Variants in IMMP2L observed in about 807,000 individuals in gnomAD.
The protein encoded by IMMP2L is mitochondrial inner membrane protease subunit 2.
IMMP2L carries 18 observed loss-of-function variants against 19.3 expected under a neutral mutation model. The ratio of observed to expected loss-of-function variants is 0.93; its 90% CI spans 0.64 to 1.38. The LOEUF is 1.38. Ranked by LOEUF, IMMP2L falls within the 40% of genes most tolerant of loss-of-function variation. The probability of loss-of-function intolerance (pLI) is 0.00; values close to 1 mark genes in which losing one functional copy is unlikely to be tolerated. For missense variants in IMMP2L, 233 were observed against 218.2 expected (o/e 1.07, Z -0.43); for synonymous variants, 76 against 73.0 (o/e 1.04, Z -0.21).
intron 3 of IMMP2L, among the ~76,000 whole-genome samples, chr7:111,021,781 G>A (rs1328893509): frequency 6.6e-6 from 1 of 152,180 alleles, no homozygotes; most frequent in East Asian, 1.9e-4. Context: ...TACTCAGGAG[G>A]CTGAGGCAGG....
At chr7:111,034,702 G>A (rs1293119150) in intron 3 of IMMP2L, among the ~76,000 whole-genome samples, 1 of 152,098 alleles carries the variant, frequency 6.6e-6, no homozygotes, top group Non-Finnish European at 1.5e-5. Context: ...TTTCTGCACA[G>A]CAGTTAGAAT....
chr7:110,892,647 T>C lies in IMMP2L; in HGVS notation c.306-5952A>G, dbSNP rs568005107. ...CAAACTATCATACGTTGTAATGAAA[T>C]TGTAGAACACTGAAGTCTCACTACT... On this transcript the variant is annotated intron_variant, in intron 4 of 5. Transcript: ENST00000405709. 4.6e-5 allele frequency among the ~76,000 whole-genome samples: 7 copies of C among 152,238 alleles called. No individual in the cohort carries two copies. The South Asian group carries it at 1.0e-3, about 23-fold the overall frequency.
At chr7:111,127,663 C>CTTTG (rs1420060778) in intron 3 of IMMP2L, among the ~76,000 whole-genome samples, 1 of 151,982 alleles carries the variant, frequency 6.6e-6, no homozygotes, top group Non-Finnish European at 1.5e-5. Flanking sequence ...GGTCAAAGTA[C>CTTTG]TCAAACCATT....
chr7:111,409,786 T>C (rs571594027), intron 3 of IMMP2L, among the ~76,000 whole-genome samples: 85 of 151,736 alleles, frequency 5.6e-4, no homozygotes, highest in Admixed American at 4.5e-3. Flanking sequence ...TATACATAAC[T>C]AGAAAAGTGG....
intron 3 of IMMP2L, among the ~76,000 whole-genome samples, chr7:111,451,653 G>A (rs1230196177): frequency 1.3e-5 from 2 of 148,720 alleles, no homozygotes; most frequent in East Asian, 2.0e-4. Flanking sequence ...CATGGCACAT[G>A]TATACATATG....
At chr7:111,212,687 C>T (rs1811458541) in intron 3 of IMMP2L, among the ~76,000 whole-genome samples, 1 of 152,122 alleles carries the variant, frequency 6.6e-6, no homozygotes. Flanking sequence ...TTTTCATATA[C>T]ATAATGGATG....
In IMMP2L at chr7:111,078,857, G is replaced by A. The variant is rs118181854; in HGVS notation, c.240-115292C>T. ...GTGATTCTCCTGCCTCAGCCTCTGG[G>A]TAGCTGGGACTGCAGGCATGCGCCA... On this transcript the variant is annotated intron_variant, in intron 3 of 5. Transcript: ENST00000405709. Among the ~76,000 whole-genome samples the A allele has an allele frequency of 7.9e-3, 1,204 of 151,950 alleles. 41 individuals carry two copies. The East Asian group carries it at 0.12, about 15-fold the overall frequency.
At chr7:111,056,460 C>T (rs907019467) in intron 3 of IMMP2L, among the ~76,000 whole-genome samples, 1 of 152,220 alleles carries the variant, frequency 6.6e-6, no homozygotes, top group Non-Finnish European at 1.5e-5. Flanking sequence ...GATATATCAA[C>T]ATCATCAACA....
intron 3 of IMMP2L, among the ~76,000 whole-genome samples, chr7:111,360,138 C>T (rs1237174884): frequency 7.5e-6 from 1 of 133,828 alleles, no homozygotes; most frequent in Admixed American, 7.1e-5. Context: ...TACAATTTCG[C>T]CATAATGTCA....
intron 3 of IMMP2L, among the ~76,000 whole-genome samples, chr7:111,330,870 C>A (rs1185942460): frequency 6.6e-6 from 1 of 151,718 alleles, no homozygotes; most frequent in African/African-American, 2.4e-5. Context: ...TTAAAGACCA[C>A]AATGAGATAT....
At chr7:110,818,433 A>C (rs1397089386) in intron 5 of IMMP2L, among the ~76,000 whole-genome samples, 1 of 152,190 alleles carries the variant, frequency 6.6e-6, no homozygotes, top group African/African-American at 2.4e-5. Flanking sequence ...CACATCAGTT[A>C]GAATGGCGAT....
chr7:110,851,554 A>G (rs1806229328), intron 5 of IMMP2L, among the ~76,000 whole-genome samples: 1 of 152,130 alleles, frequency 6.6e-6, no homozygotes. Flanking sequence ...TGGTCAGCTC[A>G]GTACCTCATT....
chr7:110,990,970 T>C (rs892402856), intron 3 of IMMP2L, among the ~76,000 whole-genome samples: 1 of 152,174 alleles, frequency 6.6e-6, no homozygotes, highest in African/African-American at 2.4e-5. Flanking sequence ...CTTTGTCCTC[T>C]CTTGGAAAGA....
Position 111,319,416 on chromosome 7 carries a change from G to A in IMMP2L, c.239+167822C>T, listed in dbSNP as rs1303876679. Among the ~76,000 whole-genome samples, 6 of 151,922 alleles carry A rather than the reference G, an allele frequency of 3.9e-5. No homozygotes were observed. In the East Asian group the frequency reaches 7.7e-4, roughly 20 times the overall value. On this transcript the variant is annotated intron_variant, in intron 3 of 5. Transcript: ENST00000405709. ...ATAATATAATGTTATTTCCAAAACCGTAAAAAAAATTCATAGTTTAGCAGA... is the reference window on the plus strand; with the variant it reads ...ATAATATAATGTTATTTCCAAAACCATAAAAAAAATTCATAGTTTAGCAGA...
intron 3 of IMMP2L, among the ~76,000 whole-genome samples, chr7:111,309,812 A>G (rs1463145550): frequency 6.6e-6 from 1 of 152,202 alleles, no homozygotes. Context: ...AGTACCTGTT[A>G]GAAGTAATGC....
chr7:110,966,011 AT>A (rs1175084420), intron 3 of IMMP2L, among the ~76,000 whole-genome samples: 2 of 152,020 alleles, frequency 1.3e-5, no homozygotes, highest in Non-Finnish European at 2.9e-5. Context: ...ATTACTGTCT[AT>A]TTTAAAAAAG....
chr7:111,133,131 T>C (rs758133176), intron 3 of IMMP2L, among the ~76,000 whole-genome samples: 3 of 152,012 alleles, frequency 2.0e-5, no homozygotes, highest in African/African-American at 4.8e-5. Flanking sequence ...ACACCATTTA[T>C]TGAAGATCTA....
intron 5 of IMMP2L, among the ~76,000 whole-genome samples, chr7:110,823,400 T>C (rs1381667205): frequency 1.3e-5 from 2 of 152,014 alleles, no homozygotes; most frequent in Non-Finnish European, 2.9e-5. Flanking sequence ...GAGATTATAT[T>C]ACTCAACCCA....
At chr7:111,386,186 A>T (rs182093603) in intron 3 of IMMP2L, among the ~76,000 whole-genome samples, 1 of 152,126 alleles carries the variant, frequency 6.6e-6, no homozygotes, top group Non-Finnish European at 1.5e-5. Context: ...CCTGCTCCAC[A>T]TGATTGATAA....
Sources: allele counts gnomAD v4.1 joint callset (sites outside exome capture counted in the v4.1 genomes callset), GRCh38; gene constraint gnomAD v4.1.1; transcripts MANE v1.5; gene names NCBI Gene and HGNC (gene_info 2026-07-23, HGNC 2026-07-21).